CBL: variants seen among roughly 807,000 people sequenced by gnomAD.
CBL encodes Cbl proto-oncogene.
Under a neutral mutation model 96.9 loss-of-function variants are expected in CBL, and 45 were observed. The ratio of observed to expected loss-of-function variants is 0.46; its 90% CI spans 0.37 to 0.60. The LOEUF (loss-of-function observed/expected upper bound fraction) is 0.60, where lower values mean the gene tolerates loss of function less well. Among genes scored for constraint, CBL ranks in the 20% least tolerant of loss-of-function variants. CBL has a pLI of 0.00. For synonymous variants in CBL, 420 were observed against 426.8 expected, an observed-to-expected ratio of 0.98 and a Z score of 0.20; for missense variants, 1,024 against 1,143.5, an observed-to-expected ratio of 0.90 and a Z score of 1.51.
At chr11:119,215,787 A>G (rs1291371475) in intron 1 of CBL, among the ~76,000 whole-genome samples, 3 of 152,096 alleles carry the variant, frequency 2.0e-5, no homozygotes, top group Non-Finnish European at 4.4e-5. Flanking sequence ...AGTTTGTGTC[A>G]CTGCACTCCA....
In CBL at chr11:119,271,717, C is replaced by T. The variant is rs879040078; in HGVS notation, c.444-18C>T. 2 of 1,609,082 alleles carry T rather than the reference C, an allele frequency of 1.2e-6. No homozygotes were observed. The highest frequency in any genetic ancestry group is 8.5e-7 in the Non-Finnish European group (1 of 1,175,626). ...AATAATTTTATGTGTTTAATTATTG[C>T]ATTCTGATCATTTGTAGGCGAAACC... On this transcript the variant is annotated intron_variant, in intron 2 of 15. Transcript: ENST00000264033.
In CBL at chr11:119,251,450, A is replaced by C. The variant is rs192382292; in HGVS notation, c.443+18755A>C. 2.2e-4 allele frequency among the ~76,000 whole-genome samples: 33 copies of C among 152,342 alleles called. No homozygotes were observed. In the East Asian group the frequency reaches 6.0e-3, roughly 28 times the overall value. On this transcript the variant is annotated intron_variant, in intron 2 of 15. Transcript: ENST00000264033. ...GCAGTTCTGTTTTGTTTGAATGTAAAGGAATGGTGACTGTTTCATTTCATA... is the reference window on the plus strand; with the variant it reads ...GCAGTTCTGTTTTGTTTGAATGTAACGGAATGGTGACTGTTTCATTTCATA...
intron 1 of CBL, among the ~76,000 whole-genome samples, chr11:119,218,659 C>T (rs1255165498): frequency 6.6e-6 from 1 of 152,124 alleles, no homozygotes; most frequent in East Asian, 1.9e-4. Context: ...ACACCGTCTA[C>T]ACTACCCACC....
chr11:119,236,493 C>T (rs558218379), intron 2 of CBL, among the ~76,000 whole-genome samples: 1 of 151,538 alleles, frequency 6.6e-6, no homozygotes, highest in South Asian at 2.1e-4. Flanking sequence ...GTCATTTCTA[C>T]TTTTTGGCTA....
Position 119,304,020 on chromosome 11 carries a change from C to T in CBL, c.*4239C>T, listed in dbSNP as rs1950118668. 4.3e-6 allele frequency: 1 copy of T among 233,618 alleles called. No homozygotes were observed. The highest frequency in any genetic ancestry group is 6.0e-5 in the East Asian group (1 of 16,574). The allele number at this position is 233,618 out of a possible 1,614,324, so 14.5% of individuals were successfully genotyped here. A position where few individuals can be genotyped will look rare whatever the true frequency, so the allele number is the denominator to read the frequency against. ...TGGGCCCTGTCTTCGGGTCTCAGGA[C>T]CCAAAGATCCTTTAGTCAGTTGTTG... On this transcript the variant is annotated 3_prime_UTR_variant, in exon 16 of 16. Coordinates refer to ENST00000264033, the MANE Select transcript of CBL (RefSeq NM_005188.4).
chr11:119,240,046 C>G (rs1352732693), intron 2 of CBL, among the ~76,000 whole-genome samples: 1 of 152,048 alleles, frequency 6.6e-6, no homozygotes, highest in Non-Finnish European at 1.5e-5. Flanking sequence ...AATGCCAGCA[C>G]TTTGGGAGGC....
Position 119,284,036 on chromosome 11 carries a change from A to T in CBL, c.1432-933A>T, listed in dbSNP as rs183389292. ...TTCTTTACAAATTCACCTTAAAAAA[A>T]TTTTTAGTTAAAATTTTTTAGAGGG... On this transcript the variant is annotated intron_variant, in intron 9 of 15. Coordinates refer to ENST00000264033, the MANE Select transcript of CBL (RefSeq NM_005188.4). Among the ~76,000 whole-genome samples the T allele has an allele frequency of 8.0e-3, 1,214 of 152,164 alleles. 12 individuals carry two copies. The highest frequency in any genetic ancestry group is 0.022 in the African/African-American group (899 of 41,514).
At position 119,302,475 on chromosome 11, in the gene CBL, C is replaced by G. The variant is rs1950108039; in HGVS notation, c.*2694C>G. 1 of 232,868 alleles carries G rather than the reference C, an allele frequency of 4.3e-6. No individual in the cohort carries two copies. Among genetic ancestry groups the G allele is most frequent in the African/African-American group, 2.2e-5 (1 of 45,334 alleles). 14.4% of individuals were successfully genotyped at this position (232,868 alleles called of 1,614,324 possible). A position where few individuals can be genotyped will look rare whatever the true frequency, so the allele number is the denominator to read the frequency against. On this transcript the variant is annotated 3_prime_UTR_variant, in exon 16 of 16. Coordinates refer to ENST00000264033, the MANE Select transcript of CBL (RefSeq NM_005188.4). ...ATTAAAACTGCCTTTTATGAACAGA[C>G]TTCGAGTTTTGCCATTTTGGGCAAG...
At chr11:119,254,377 AT>A (rs1185978906) in intron 2 of CBL, among the ~76,000 whole-genome samples, 2 of 152,122 alleles carry the variant, frequency 1.3e-5, no homozygotes, top group East Asian at 1.9e-4. Flanking sequence ...TTGCTGCCTG[AT>A]TTAGTTGTTG....
intron 2 of CBL, among the ~76,000 whole-genome samples, chr11:119,261,206 G>A (rs545290503): frequency 1.3e-5 from 2 of 151,964 alleles, no homozygotes; most frequent in Non-Finnish European, 2.9e-5. Flanking sequence ...GAGCCACCGC[G>A]CCTGGCCTCT....
rs778256068 is a variant in CBL at position 119,298,407 on chromosome 11, A to C, written c.2301A>C (p.Ser767=). The change falls in exon 15 of 16, where the codon TCA becomes TCC. Residue 767 remains serine, a synonymous_variant. Transcript: ENST00000264033. ...ATGCCAACACTGGTCCCGAGGAGTCAGAAAATGAGGATGATGGGTATGATG... is the reference window on the plus strand; with the variant it reads ...ATGCCAACACTGGTCCCGAGGAGTCCGAAAATGAGGATGATGGGTATGATG... ...AAHANTGPEE[S]ENEDDGYDVP... 6.2e-7 allele frequency: 1 copy of C among 1,614,206 alleles called. No individual in the cohort carries two copies. The highest frequency in any genetic ancestry group is 8.5e-7 in the Non-Finnish European group (1 of 1,180,034).
chr11:119,274,646 C>G (rs1386811253), intron 4 of CBL, among the ~76,000 whole-genome samples, 186 bp from the exon 5 acceptor site: 2 of 152,038 alleles, frequency 1.3e-5, no homozygotes, highest in Non-Finnish European at 2.9e-5. Context: ...AGCATATATT[C>G]TTTTCTTCGT....
chr11:119,271,983 G>T, intron 3 of CBL, 102 bp downstream of exon 3: 1 of 1,104,634 alleles, frequency 9.1e-7, no homozygotes, highest in Non-Finnish European at 1.4e-6. Flanking sequence ...GGAACTCTGA[G>T]AAAAGTAATA....
chr11:119,281,467 G>T (rs374719651), intron 9 of CBL, among the ~76,000 whole-genome samples: 2 of 149,762 alleles, frequency 1.3e-5, no homozygotes, highest in Non-Finnish European at 3.0e-5. Context: ...GCTTTTCAGC[G>T]CTTCCTTTCC....
In CBL at chr11:119,307,700, A is replaced by C. The variant is rs1043889671; in HGVS notation, c.*7919A>C. The C allele has an allele frequency of 1.1e-4, 24 of 225,510 alleles. No individual in the cohort carries two copies. The highest frequency in any genetic ancestry group is 4.7e-4 in the African/African-American group (21 of 44,940). The allele number at this position is 225,510 out of a possible 1,614,324, so 14.0% of individuals were successfully genotyped here. A position where few individuals can be genotyped will look rare whatever the true frequency, so the allele number is the denominator to read the frequency against. On this transcript the variant is annotated 3_prime_UTR_variant, in exon 16 of 16. Coordinates refer to ENST00000264033, the MANE Select transcript of CBL (RefSeq NM_005188.4). ...TAAAGAATTGGGAGACAGAAATTTT[A>C]AAGTCCTCCTTATTCAAGATTTTGA...
At chr11:119,246,743 C>T (rs545104055) in intron 2 of CBL, among the ~76,000 whole-genome samples, 5 of 152,318 alleles carry the variant, frequency 3.3e-5, no homozygotes, top group South Asian at 4.1e-4. Flanking sequence ...TGAGCCAGTG[C>T]GCCCAGGCGA....
chr11:119,240,827 C>T (rs575363448), intron 2 of CBL, among the ~76,000 whole-genome samples: 6 of 152,148 alleles, frequency 3.9e-5, no homozygotes, highest in Admixed American at 2.0e-4. Context: ...AATGCCAGCA[C>T]TTGGGGAGGC....
intron 2 of CBL, among the ~76,000 whole-genome samples, chr11:119,243,245 T>C (rs1592382437): frequency 1.3e-5 from 2 of 152,148 alleles, no homozygotes; most frequent in Admixed American, 6.6e-5. Flanking sequence ...GCCAGTGCAC[T>C]CCAGCCTGGA....
At chr11:119,274,438 CCTTT>C (rs1476079792) in intron 4 of CBL, among the ~76,000 whole-genome samples, 1 of 152,158 alleles carries the variant, frequency 6.6e-6, no homozygotes, top group Admixed American at 6.5e-5. Flanking sequence ...AAAAACAACT[CCTTT>C]CTTTTTCTCT....
Sources: gnomAD v4.1 joint callset for allele counts (sites outside exome capture counted in the v4.1 genomes callset) on GRCh38, gnomAD v4.1.1 for gene constraint, MANE v1.5 for transcripts, NCBI Gene and HGNC (gene_info 2026-07-23, HGNC 2026-07-21) for gene names.